SLC25A13: variants seen among roughly 807,000 people sequenced by gnomAD.
SLC25A13 encodes solute carrier family 25 member 13, also known as electrogenic aspartate/glutamate antiporter SLC25A13, mitochondrial.
A neutral mutation model predicts 85.5 loss-of-function variants in SLC25A13; 70 were observed. The ratio of observed to expected loss-of-function variants is 0.82; its 90% confidence interval spans 0.68 to 1.00. The LOEUF is 1.00. SLC25A13 is among the 50% of genes least tolerant of loss of function. SLC25A13 has a pLI of 0.00. For missense variants in SLC25A13, 765 were observed against 819.8 expected, an observed-to-expected ratio of 0.93 and a Z score of 0.82; for synonymous variants, 259 against 288.7, an observed-to-expected ratio of 0.90 and a Z score of 1.04.
rs759111517 is a variant in SLC25A13, at chr7:96,120,464, T to C, written c.*727A>G. On this transcript the variant is annotated 3_prime_UTR_variant, in exon 18 of 18. Transcript: ENST00000265631. ...ATAGGCAGTAATCAGTACATGTACA[T>C]CATATGAGCAGTTTTTCAAAATTAG... The C allele has an allele frequency of 2.2e-5, 10 of 454,332 alleles. No homozygotes were observed. Among genetic ancestry groups the C allele is most frequent in the Non-Finnish European group, 4.4e-5 (10 of 226,790 alleles). 28.1% of individuals were successfully genotyped at this position (454,332 alleles called of 1,614,324 possible).
At chr7:96,319,833 G>A (rs1424111087) in intron 1 of SLC25A13, among the ~76,000 whole-genome samples, 1 of 152,076 alleles carries the variant, frequency 6.6e-6, no homozygotes, top group Non-Finnish European at 1.5e-5. Context: ...TGCAAATGAA[G>A]ACATAAACAA....
intron 13 of SLC25A13, among the ~76,000 whole-genome samples, chr7:96,169,135 G>C (rs1381368059): frequency 6.6e-6 from 1 of 152,154 alleles, no homozygotes; most frequent in African/African-American, 2.4e-5. Context: ...CTTAGGTCCT[G>C]CTACATTTAA....
intron 3 of SLC25A13, among the ~76,000 whole-genome samples, chr7:96,270,914 C>T (rs1798216644): frequency 6.6e-6 from 1 of 152,136 alleles, no homozygotes; most frequent in Admixed American, 6.6e-5. Flanking sequence ...GGCTGCAACG[C>T]TCCAACCTCT....
intron 3 of SLC25A13, among the ~76,000 whole-genome samples, chr7:96,254,002 CTGTGTGTGTGTGCTGTATGTG>C: frequency 6.6e-6 from 1 of 152,012 alleles, no homozygotes. Context: ...ATAAAAGCAA[CTGTGTGTGTGTGCTGTATGTG>C]TGTGTGCGCA....
intron 9 of SLC25A13, among the ~76,000 whole-genome samples, 159 bp downstream of exon 9, chr7:96,189,135 T>A (rs1311512964): frequency 6.6e-6 from 1 of 152,238 alleles, no homozygotes; most frequent in East Asian, 1.9e-4. Context: ...TTCTAAGCAA[T>A]TTCTCTTTAC....
intron 2 of SLC25A13, among the ~76,000 whole-genome samples, chr7:96,293,858 G>A (rs1799230825): frequency 1.3e-5 from 2 of 152,162 alleles, no homozygotes; most frequent in African/African-American, 4.8e-5. Flanking sequence ...CAACCATTGT[G>A]GAAGACAGTG....
At chr7:96,164,161 T>C (rs946294238) in intron 13 of SLC25A13, among the ~76,000 whole-genome samples, 1 of 152,182 alleles carries the variant, frequency 6.6e-6, no homozygotes, top group Non-Finnish European at 1.5e-5. Context: ...AAATTAATGT[T>C]GCATAACCTC....
chr7:96,206,437 C>A (rs1032375830), intron 5 of SLC25A13, among the ~76,000 whole-genome samples: 1 of 152,306 alleles, frequency 6.6e-6, no homozygotes, highest in East Asian at 1.9e-4. Context: ...GCTCTACCTA[C>A]ATTCAGAAAA....
At chr7:96,220,650 AAT>A (rs1554357612) in intron 4 of SLC25A13, among the ~76,000 whole-genome samples, 3 of 152,206 alleles carry the variant, frequency 2.0e-5, no homozygotes, top group African/African-American at 7.2e-5. Context: ...GTTAGTTTAA[AAT>A]AGTCAAATTT....
chr7:96,186,377 C>T (rs1402433498), intron 9 of SLC25A13, among the ~76,000 whole-genome samples: 1 of 152,094 alleles, frequency 6.6e-6, no homozygotes, highest in Non-Finnish European at 1.5e-5. Flanking sequence ...TGCAGTGAGC[C>T]AAGATCGCGC....
intron 3 of SLC25A13, among the ~76,000 whole-genome samples, chr7:96,257,238 C>T (rs999508135): frequency 1.3e-5 from 2 of 152,026 alleles, no homozygotes; most frequent in Non-Finnish European, 2.9e-5. Flanking sequence ...GAGACACAGA[C>T]ACAAAATACC....
At chr7:96,234,734 A>G in intron 4 of SLC25A13, 68 bp downstream of exon 4, 12 of 1,155,476 alleles carry the variant, frequency 1.0e-5, no homozygotes, top group Non-Finnish European at 1.4e-5. Flanking sequence ...TGTTCCTAGA[A>G]AAAAAAAAAA....
rs538510732 is a variant in SLC25A13 at position 96,228,747 on chromosome 7, C to T, written c.328+6055G>A. ...AGGAACCGTGGCTGCCCACAGTGCT[C>T]GTGGGCCAGCGTGAGTTCTGGGTGG... On this transcript the variant is annotated intron_variant, in intron 4 of 17. Transcript: ENST00000265631. Among the ~76,000 whole-genome samples, 1,064 of 152,238 alleles carry T rather than the reference C, an allele frequency of 7.0e-3. 4 individuals are homozygous for T. The highest frequency in any genetic ancestry group is 9.8e-3 in the Non-Finnish European group (669 of 67,988).
At chr7:96,196,726 G>A (rs1238415020) in intron 5 of SLC25A13, among the ~76,000 whole-genome samples, 1 of 152,226 alleles carries the variant, frequency 6.6e-6, no homozygotes, top group Non-Finnish European at 1.5e-5. Context: ...CTAGATCTAT[G>A]TAGTTCTCTA....
intron 14 of SLC25A13, among the ~76,000 whole-genome samples, chr7:96,145,993 T>A (rs958538081): frequency 6.6e-6 from 1 of 152,194 alleles, no homozygotes. Context: ...GCCTTATAGG[T>A]TGGCATATAG....
intron 11 of SLC25A13, among the ~76,000 whole-genome samples, chr7:96,181,395 G>A (rs947026510): frequency 1.3e-5 from 2 of 152,212 alleles, no homozygotes; most frequent in Non-Finnish European, 2.9e-5. Context: ...AGCTGCGGGG[G>A]AGGCAAAGAA....
intron 7 of SLC25A13, among the ~76,000 whole-genome samples, chr7:96,190,681 C>T (rs1034259999): frequency 2.0e-5 from 3 of 151,974 alleles, no homozygotes; most frequent in Non-Finnish European, 2.9e-5. Flanking sequence ...GGCGTGATCT[C>T]GGCTCACTGC....
At chr7:96,267,493 C>A (rs1407885091) in intron 3 of SLC25A13, among the ~76,000 whole-genome samples, 1 of 152,122 alleles carries the variant, frequency 6.6e-6, no homozygotes, top group African/African-American at 2.4e-5. Context: ...TGTCCCAGGA[C>A]TCAATCTCTT....
chr7:96,123,044 G>C (rs1316432715), intron 15 of SLC25A13, among the ~76,000 whole-genome samples: 2 of 152,080 alleles, frequency 1.3e-5, no homozygotes, highest in African/African-American at 4.8e-5. Context: ...GAGTTGGAAG[G>C]GGGGTGTAAA....
Sources: allele counts gnomAD v4.1 joint callset (sites outside exome capture counted in the v4.1 genomes callset), GRCh38; gene constraint gnomAD v4.1.1; transcripts MANE v1.5; gene names NCBI Gene and HGNC (gene_info 2026-07-23, HGNC 2026-07-21).